The following IGF2R variants were observed in gnomAD, a reference collection of about 807,000 sequenced individuals.
IGF2R encodes the protein cation-independent mannose-6-phosphate receptor.
A neutral mutation model predicts 270.6 loss-of-function variants in IGF2R; 91 were observed. That is an observed-to-expected ratio of 0.34 (90% CI 0.28 to 0.40). The LOEUF (loss-of-function observed/expected upper bound fraction) is 0.40. IGF2R is among the 10% of genes least tolerant of loss of function. IGF2R has a pLI of 1.00. For synonymous variants in IGF2R, 1,316 were observed against 1,258.9 expected, an observed-to-expected ratio of 1.05 and a Z score of -0.96; for missense variants, 2,805 against 3,188.3, an observed-to-expected ratio of 0.88 and a Z score of 2.90.
chr6:159,984,859 G>A (rs1783858294), intron 1 of IGF2R, among the ~76,000 whole-genome samples: 1 of 152,114 alleles, frequency 6.6e-6, no homozygotes, highest in Non-Finnish European at 1.5e-5. Flanking sequence ...AGAGAGAGAT[G>A]CCACATTCAC....
At chr6:160,094,568 C>T (rs73598439) in intron 44 of IGF2R, 2,752 of 153,356 alleles carry the variant, frequency 0.018, 87 homozygotes, top group African/African-American at 0.062. Context: ...CTCGATAGTT[C>T]GGTGGTCTGG....
In IGF2R at chr6:160,047,345, G is replaced by A. The variant is rs1281838692; in HGVS notation, c.2229+9G>A. 1.3e-6 allele frequency: 2 copies of A among 1,575,688 alleles called. No individual in the cohort carries two copies. Among genetic ancestry groups the A allele is most frequent in the South Asian group, 2.3e-5 (2 of 86,130 alleles). On this transcript the variant is annotated intron_variant, in intron 16 of 47. Transcript: ENST00000356956. Reference sequence around the variant, plus strand: ...GCTTCCCTGAATATCAGGTAGGAATGTTTGTTCCTCATCGCGCTCCCTGAG... The same window carrying A: ...GCTTCCCTGAATATCAGGTAGGAATATTTGTTCCTCATCGCGCTCCCTGAG...
intron 4 of IGF2R, among the ~76,000 whole-genome samples, chr6:160,018,050 G>C (rs371312090): frequency 6.6e-6 from 1 of 152,022 alleles, no homozygotes; most frequent in Non-Finnish European, 1.5e-5. Flanking sequence ...CCACATAAAA[G>C]ATACAGATTG....
intron 1 of IGF2R, among the ~76,000 whole-genome samples, chr6:159,985,259 G>GGTT (rs1355554490): frequency 7.9e-5 from 12 of 152,198 alleles, no homozygotes; most frequent in Non-Finnish European, 1.8e-4. Context: ...TTTCTGAAAA[G>GGTT]TTAAAACCAT....
intron 36 of IGF2R, 45 bp from the exon 37 acceptor site, chr6:160,078,156 C>G (rs373298075): frequency 6.5e-5 from 104 of 1,602,626 alleles, no homozygotes; most frequent in Non-Finnish European, 8.3e-5. Context: ...GCTATCTATC[C>G]CTATGCCATG....
intron 2 of IGF2R, among the ~76,000 whole-genome samples, chr6:159,997,332 G>A (rs1784067935): frequency 6.6e-6 from 1 of 152,178 alleles, no homozygotes; most frequent in Non-Finnish European, 1.5e-5. Flanking sequence ...GCCAAGAAAG[G>A]TCTGCAGGGC....
At chr6:159,999,415 G>A (rs964642994) in intron 2 of IGF2R, among the ~76,000 whole-genome samples, 1 of 152,162 alleles carries the variant, frequency 6.6e-6, no homozygotes, top group Non-Finnish European at 1.5e-5. Context: ...AGGTGGTGTG[G>A]TTATGGATTT....
At position 160,102,553 on chromosome 6, in the gene IGF2R, G is replaced by A. The variant is rs865882500; in HGVS notation, c.6877G>A (p.Gly2293Arg). ...TGACAGCGAGAATCCCGGGGACGAC[G>A]GGCAGATGCACAAGGGGCTGTCAGA... is the stretch of plus-strand genomic sequence containing the variant. ...GFDSENPGDD[G>R]QMHKGLSERS... Residue 2293 changes from glycine (G) to arginine (R), a missense_variant, in exon 46 of 48, where the codon GGG (glycine) becomes AGG (arginine). By Grantham distance (125) the Gly-to-Arg change is moderately radical. Around this residue, in one of 2 missense-constraint regions of IGF2R, gnomAD observed 1,851 missense variants for 2,207.2 expected, o/e 0.84. Transcript: ENST00000356956. This position sits in a 1 kb window ranked among gnomAD's most constrained non-coding sequence, Gnocchi z 4.5. The A allele has an allele frequency of 2.5e-6, 4 of 1,613,084 alleles. No homozygotes were observed. Among genetic ancestry groups the A allele is most frequent in the South Asian group, 1.1e-5 (1 of 91,032 alleles).
chr6:160,066,219 G>A (rs1778582206), intron 29 of IGF2R, among the ~76,000 whole-genome samples: 3 of 152,050 alleles, frequency 2.0e-5, no homozygotes, highest in Admixed American at 1.3e-4. Flanking sequence ...GTTCCACTAT[G>A]TTGGCCAGGC....
Position 160,050,377 on chromosome 6 carries a change from A to G in IGF2R, c.2515-96A>G. 3 of 1,224,978 alleles carry G rather than the reference A, an allele frequency of 2.4e-6. No individual in the cohort carries two copies. Among genetic ancestry groups the G allele is most frequent in the South Asian group, 2.9e-5 (2 of 69,516 alleles). The allele number at this position is 1,224,978 out of a possible 1,614,324, so 75.9% of individuals were successfully genotyped here. A position where few individuals can be genotyped will look rare whatever the true frequency, so the allele number is the denominator to read the frequency against. On this transcript the variant is annotated intron_variant, in intron 18 of 47. Coordinates refer to ENST00000356956, the MANE Select transcript of IGF2R (RefSeq NM_000876.4). The surrounding 1 kb of genome is among the most constrained non-coding windows in gnomAD (Gnocchi z 4.0). Reference sequence around the variant, plus strand: ...GCAGTGGTTCTGTATTCAATAATTCATTGTTTGCTGCAGCTTTATAGAATG... The same window carrying G: ...GCAGTGGTTCTGTATTCAATAATTCGTTGTTTGCTGCAGCTTTATAGAATG...
chr6:160,091,792 C>T lies in IGF2R; in HGVS notation c.6655+1689C>T, dbSNP rs141262168. On this transcript the variant is annotated intron_variant, in intron 44 of 47. Coordinates refer to ENST00000356956, the MANE Select transcript of IGF2R (RefSeq NM_000876.4). The stretch of plus-strand genomic sequence containing the variant: ...TAAAGGAAGGAAGGAAGGATTGTTT[C>T]AGAAGCCTTCAGGGGCCCTATCATG... 5.7e-4 allele frequency among the ~76,000 whole-genome samples: 87 copies of T among 152,202 alleles called. 2 individuals carry two copies. Among genetic ancestry groups the T allele is most frequent in the Admixed American group, 8.5e-4 (13 of 15,282 alleles).
intron 18 of IGF2R, among the ~76,000 whole-genome samples, chr6:160,049,554 A>G (rs1778147823): frequency 6.6e-6 from 1 of 152,112 alleles, no homozygotes. Flanking sequence ...CTGGCATCTC[A>G]ACTCAGAGAT....
chr6:160,051,953 CAA>C (rs879761244), intron 19 of IGF2R, among the ~76,000 whole-genome samples: 3 of 139,678 alleles, frequency 2.1e-5, no homozygotes. Context: ...GCCCCTGTCT[CAA>C]AAAAAAAAAA....
intron 2 of IGF2R, among the ~76,000 whole-genome samples, chr6:160,000,626 T>C (rs1489703202): frequency 1.3e-5 from 2 of 151,830 alleles, no homozygotes; most frequent in African/African-American, 4.8e-5. Flanking sequence ...AATCATAGAG[T>C]GCTGGCAAGG....
rs1480889491 is a variant in IGF2R, at chr6:160,084,223, C to G, written c.6068+39C>G. The G allele has an allele frequency of 1.6e-6, 2 of 1,250,874 alleles. No individual in the cohort carries two copies. The highest frequency in any genetic ancestry group is 1.5e-5 in the African/African-American group (1 of 67,850). 77.5% of individuals were successfully genotyped at this position (1,250,874 alleles called of 1,614,324 possible). ...CAGTCCACCCGCGGCGCCACACCCT[C>G]AGCATGTGAACTTCAGACTGCTTGA... On this transcript the variant is annotated intron_variant, in intron 40 of 47. Transcript: ENST00000356956. This position sits in a 1 kb window ranked among gnomAD's most constrained non-coding sequence, Gnocchi z 4.6.
Position 160,063,462 on chromosome 6 carries a change from C to G in IGF2R, c.3718C>G (p.Leu1240Val), listed in dbSNP as rs146994109. The stretch of plus-strand genomic sequence containing the variant: ...CCCAAGGCATGGCAACTTGTATGAC[C>G]TGAAGCCCCTGGGCCTCAACGACAC... ...KDPRHGNLYD[L>V]KPLGLNDTIV... Residue 1240 changes from leucine (L) to valine (V), a missense_variant, in exon 27 of 48, where the codon CTG becomes GTG. This residue lies in a region of IGF2R where 1,851 missense variants were observed against 2,207.2 expected (regional missense o/e 0.84). Transcript: ENST00000356956. The G allele has an allele frequency of 7.7e-4, 1,248 of 1,613,106 alleles. 1 individual carries two copies. The highest frequency in any genetic ancestry group is 1.0e-3 in the Non-Finnish European group (1,193 of 1,180,026).
At chr6:160,061,140 A>G (rs528377321) in intron 23 of IGF2R, among the ~76,000 whole-genome samples, 1 of 152,320 alleles carries the variant, frequency 6.6e-6, no homozygotes, top group South Asian at 2.1e-4. Context: ...CTGCTCTGCA[A>G]CAGTGGTACT....
chr6:159,987,549 G>A (rs371536858), intron 1 of IGF2R, among the ~76,000 whole-genome samples: 75 of 152,170 alleles, frequency 4.9e-4, no homozygotes, highest in African/African-American at 1.8e-3. Flanking sequence ...GCACCACCAC[G>A]CCCGGCTAAT....
chr6:160,092,390 A>G (rs1341892496), intron 44 of IGF2R, among the ~76,000 whole-genome samples: 1 of 152,230 alleles, frequency 6.6e-6, no homozygotes, highest in Admixed American at 6.5e-5. Context: ...GGTTACACAT[A>G]AGACCTCCAC....
Sources: gnomAD v4.1 joint callset for allele counts (sites outside exome capture counted in the v4.1 genomes callset) on GRCh38, gnomAD v4.1.1 for gene constraint, gnomAD v4.1.1 regional missense constraint, Gnocchi (gnomAD v3.1) non-coding constraint, MANE v1.5 for transcripts, NCBI Gene and HGNC (gene_info 2026-07-23, HGNC 2026-07-21) for gene names.